Variants in ARNT observed in about 807,000 individuals in gnomAD.
ARNT encodes the protein class E basic helix-loop-helix protein 2.
In ARNT, 30 loss-of-function variants were observed where a neutral mutation model predicts 105.0. The observed-to-expected ratio is 0.29, with a 90% CI of 0.21 to 0.39. The LOEUF is 0.39. Ranked by LOEUF, ARNT falls within the 10% of genes least tolerant of loss-of-function variation. ARNT has a pLI of 1.00. For missense variants in ARNT, 748 were observed against 978.7 expected (o/e 0.76, Z 3.15); for synonymous variants, 304 against 344.0 (o/e 0.88, Z 1.29).
In ARNT at chr1:150,834,742, C is replaced by G. The variant is rs1659988684; in HGVS notation, c.701-102G>C. 12 of 941,882 alleles carry G rather than the reference C, an allele frequency of 1.3e-5. No individual in the cohort carries two copies. The Admixed American group carries it at 2.2e-4, about 17-fold the overall frequency. 58.3% of individuals were successfully genotyped at this position (941,882 alleles called of 1,614,324 possible). A position where few individuals can be genotyped will look rare whatever the true frequency, so the allele number is the denominator to read the frequency against. ...GATAAGTAAGCATCCTATTCATGCCCTTAATCTCCTTGCTTATAACAGAAC... is the reference window on the plus strand; with the variant it reads ...GATAAGTAAGCATCCTATTCATGCCGTTAATCTCCTTGCTTATAACAGAAC... On this transcript the variant is annotated intron_variant, in intron 7 of 21. Transcript: ENST00000358595.
intron 1 of ARNT, chr1:150,861,330 A>T: frequency 3.3e-6 from 1 of 302,650 alleles, no homozygotes; most frequent in Admixed American, 4.5e-5. Context: ...ACAACATCGC[A>T]AAAAAAAAAT....
chr1:150,838,524 A>G (rs1660706850), intron 6 of ARNT, among the ~76,000 whole-genome samples: 2 of 152,210 alleles, frequency 1.3e-5, no homozygotes, highest in Non-Finnish European at 2.9e-5. Context: ...TATAGCTACA[A>G]AGTATGTAGT....
intron 1 of ARNT, among the ~76,000 whole-genome samples, chr1:150,860,572 G>A (rs1665446375): frequency 6.6e-6 from 1 of 151,674 alleles, no homozygotes; most frequent in Non-Finnish European, 1.5e-5. Flanking sequence ...TATATAAAGA[G>A]TGGCCAGGCA....
intron 4 of ARNT, among the ~76,000 whole-genome samples, chr1:150,845,758 T>C (rs7514004): frequency 0.42 from 63,562 of 151,652 alleles, 13,762 homozygotes; most frequent in South Asian, 0.54. Context: ...AAAAATTAGC[T>C]GGGCGTGGTG....
rs369324967 is a variant in ARNT, at chr1:150,816,736, G to C, written c.1802+52C>G. On this transcript the variant is annotated intron_variant, in intron 18 of 21. Coordinates refer to ENST00000358595, the MANE Select transcript of ARNT (RefSeq NM_001668.4). ...AAGGGAAGAATAAAATTTGGATTCA[G>C]CAGCTGAATCCCTCAGGGCCCTGTA... 273 of 1,496,690 alleles carry C rather than the reference G, an allele frequency of 1.8e-4. 1 individual carries two copies. The highest frequency in any genetic ancestry group is 3.0e-4 in the South Asian group (22 of 73,308). The allele number at this position is 1,496,690 out of a possible 1,614,324, so 92.7% of individuals were successfully genotyped here.
At chr1:150,849,215 A>C (rs7521592) in intron 3 of ARNT, among the ~76,000 whole-genome samples, 50,776 of 151,876 alleles carry the variant, frequency 0.33, 8,929 homozygotes, top group South Asian at 0.53. Context: ...AAAAAAAAGA[A>C]AGAAAGAAAA....
At chr1:150,848,344 T>TA (rs1662650578) in intron 3 of ARNT, among the ~76,000 whole-genome samples, 1 of 151,858 alleles carries the variant, frequency 6.6e-6, no homozygotes, top group South Asian at 2.1e-4. Flanking sequence ...TAATCCCAGC[T>TA]ACTCAGGAGG....
At chr1:150,822,584 C>A (rs1657331731) in intron 14 of ARNT, among the ~76,000 whole-genome samples, 1 of 152,298 alleles carries the variant, frequency 6.6e-6, no homozygotes, top group Admixed American at 6.5e-5. Flanking sequence ...CTCTGCACTC[C>A]TTCCTCCTTA....
At position 150,816,297 on chromosome 1, in the gene ARNT, T is replaced by G. The variant is rs752088370; in HGVS notation, c.1912A>C (p.Thr638Pro). Residue 638 changes from threonine (T) to proline (P), a missense_variant, in exon 19 of 22, where the codon ACT (threonine) becomes CCT (proline). This residue lies in a region of ARNT where 360 missense variants were observed against 411.9 expected (regional missense o/e 0.87). Coordinates refer to ENST00000358595, the MANE Select transcript of ARNT (RefSeq NM_001668.4). ...HSNPTQGATPTWTPTTRSGFS... is the reference protein window; with the variant it reads ...HSNPTQGATPPWTPTTRSGFS... The stretch of plus-strand genomic sequence containing the variant: ...CCTGAGCGGGTAGTAGGGGTCCAAG[T>G]TGGGGTTGCTCCTTGGGTGGGGTTG... The G allele has an allele frequency of 1.2e-6, 2 of 1,607,288 alleles. No homozygotes were observed. Among genetic ancestry groups the G allele is most frequent in the East Asian group, 2.2e-5 (1 of 44,448 alleles).
intron 4 of ARNT, 124 bp downstream of exon 4, chr1:150,846,139 G>A: frequency 1.4e-6 from 1 of 732,234 alleles, no homozygotes; most frequent in Non-Finnish European, 2.2e-6. Context: ...TTCCAAATAG[G>A]AAAGATATTA....
At chr1:150,835,824 AAACAAC>A (rs886136970) in intron 7 of ARNT, among the ~76,000 whole-genome samples, 9 of 148,138 alleles carry the variant, frequency 6.1e-5, no homozygotes, top group African/African-American at 1.7e-4. Context: ...GTACAGATAC[AAACAAC>A]AACAACAACA....
At chr1:150,835,136 C>A (rs1205065886) in intron 7 of ARNT, among the ~76,000 whole-genome samples, 2 of 22,802 alleles carry the variant, frequency 8.8e-5, no homozygotes, top group Non-Finnish European at 1.0e-4. Flanking sequence ...AAGACCTTGT[C>A]TCAAAAAAAA....
chr1:150,822,542 G>C (rs1419512442), intron 14 of ARNT, among the ~76,000 whole-genome samples: 1 of 152,200 alleles, frequency 6.6e-6, no homozygotes, highest in Non-Finnish European at 1.5e-5. Flanking sequence ...GGAGATCCCC[G>C]GAGGGTAGCC....
intron 1 of ARNT, among the ~76,000 whole-genome samples, chr1:150,863,892 G>A (rs753568830): frequency 6.6e-6 from 1 of 152,046 alleles, no homozygotes; most frequent in Non-Finnish European, 1.5e-5. Context: ...AGGGAGATAT[G>A]AAAATACAGT....
At chr1:150,871,852 G>A (rs1167609569) in intron 1 of ARNT, among the ~76,000 whole-genome samples, 1 of 126,904 alleles carries the variant, frequency 7.9e-6, no homozygotes, top group South Asian at 2.6e-4. Context: ...AGGTTGCAGT[G>A]AGCCAAGATC....
Position 150,836,282 on chromosome 1 carries a change from G to T in ARNT, c.698C>A (p.Thr233Lys). 6.2e-7 allele frequency: 1 copy of T among 1,613,996 alleles called. No homozygotes were observed. The highest frequency in any genetic ancestry group is 8.5e-7 in the Non-Finnish European group (1 of 1,179,894). The change falls in exon 7 of 22, where the codon ACA (threonine) becomes AAA (lysine). Residue 233 changes from threonine to lysine, a missense_variant and splice_region_variant. Coordinates refer to ENST00000358595, the MANE Select transcript of ARNT (RefSeq NM_001668.4). ...EQLSTSENAL[T>K]GRILDLKTGT... ...TTTCCCATACACATAACTCTCACCT[G>T]TCAGGGCATTTTCTGAAGTGGAAAG... is the stretch of plus-strand genomic sequence containing the variant.
chr1:150,832,207 G>T, intron 9 of ARNT, 127 bp downstream of exon 9: 1 of 952,690 alleles, frequency 1.0e-6, no homozygotes, highest in Non-Finnish European at 1.7e-6. Flanking sequence ...GGTAAGGGAT[G>T]TTAAGTGGGA....
chr1:150,818,019 T>C lies in ARNT; in HGVS notation c.1406A>G (p.Gln469Arg). The change falls in exon 15 of 22, where the codon CAA (glutamine) becomes CGA (arginine). Residue 469 changes from glutamine (Q) to arginine (R), a missense_variant. Coordinates refer to ENST00000358595, the MANE Select transcript of ARNT (RefSeq NM_001668.4). ...CTNTNVKNSS[Q>R]EPRPTLSNTI... ...GTTGGAGAGTGTAGGCCGTGGTTCT[T>C]GGCTAGAGTTCCTAGGAAACCAGAG... 1 of 1,606,976 alleles carries C rather than the reference T, an allele frequency of 6.2e-7. No homozygotes were observed. Among genetic ancestry groups the C allele is most frequent in the Non-Finnish European group, 8.5e-7 (1 of 1,177,444 alleles).
intron 1 of ARNT, among the ~76,000 whole-genome samples, chr1:150,873,037 C>A (rs1667705869): frequency 6.6e-6 from 1 of 152,002 alleles, no homozygotes; most frequent in Non-Finnish European, 1.5e-5. Context: ...GTAATCCCAG[C>A]ACTTTGGGAG....
Sources: gnomAD v4.1 joint callset for allele counts (sites outside exome capture counted in the v4.1 genomes callset) on GRCh38, gnomAD v4.1.1 for gene constraint, gnomAD v4.1.1 regional missense constraint, MANE v1.5 for transcripts, NCBI Gene and HGNC (gene_info 2026-07-23, HGNC 2026-07-21) for gene names.